The following ZFHX3 variants were observed in gnomAD, a reference collection of about 807,000 sequenced individuals.
ZFHX3 encodes zinc finger homeobox protein 3.
A neutral mutation model predicts 279.1 loss-of-function variants in ZFHX3; 42 were observed. The observed-to-expected ratio is 0.15, with a 90% CI of 0.12 to 0.19. The LOEUF (loss-of-function observed/expected upper bound fraction) is 0.19. Among genes scored for constraint, ZFHX3 ranks in the 10% least tolerant of loss-of-function variants. The probability of loss-of-function intolerance (pLI) is 1.00; values close to 1 mark genes in which losing one functional copy is unlikely to be tolerated. For missense variants in ZFHX3, 4,981 were observed against 4,754.0 expected (o/e 1.05, Z -1.40); for synonymous variants, 2,293 against 1,957.8 (o/e 1.17, Z -4.52).
At chr16:73,853,424 A>C (rs1044960266) in intron 1 of ZFHX3, among the ~76,000 whole-genome samples, 3 of 152,250 alleles carry the variant, frequency 2.0e-5, no homozygotes, top group African/African-American at 7.2e-5. Context: ...CGTGTTCATC[A>C]ACCTAAGTAT....
chr16:72,792,439 A>G (rs530073487), intron 9 of ZFHX3, among the ~76,000 whole-genome samples: 3 of 152,230 alleles, frequency 2.0e-5, no homozygotes, highest in Middle Eastern at 3.4e-3. Flanking sequence ...GATCTACCAC[A>G]TAAGACCTTC....
chr16:72,932,467 GA>G (rs77027785), intron 3 of ZFHX3, among the ~76,000 whole-genome samples: 5,666 of 144,804 alleles, frequency 0.039, 227 homozygotes, highest in African/African-American at 0.095. Context: ...ATCCCTTTGG[GA>G]AAAAAAAAAA....
chr16:73,575,331 T>C (rs2143813260), intron 2 of ZFHX3, among the ~76,000 whole-genome samples: 1 of 152,156 alleles, frequency 6.6e-6, no homozygotes, highest in South Asian at 2.1e-4. Flanking sequence ...GTGTAAGGAG[T>C]TGCTGGCTAG....
chr16:73,387,616 C>G (rs974408644), intron 3 of ZFHX3, among the ~76,000 whole-genome samples: 4 of 152,048 alleles, frequency 2.6e-5, no homozygotes, highest in Non-Finnish European at 5.9e-5. Flanking sequence ...TTCCCCCCAT[C>G]TTTTTCCCCA....
At chr16:73,705,096 G>C (rs1470243425) in intron 1 of ZFHX3, among the ~76,000 whole-genome samples, 1 of 152,116 alleles carries the variant, frequency 6.6e-6, no homozygotes, top group Admixed American at 6.5e-5. Context: ...GTAACCTCAA[G>C]ACAAGAGCAT....
intron 2 of ZFHX3, among the ~76,000 whole-genome samples, chr16:73,574,302 T>A (rs1361544433): frequency 6.6e-6 from 1 of 151,978 alleles, no homozygotes. Flanking sequence ...TGACTATGCC[T>A]CCATTGTAAC....
intron 3 of ZFHX3, among the ~76,000 whole-genome samples, chr16:73,336,894 C>T (rs906363080): frequency 2.0e-5 from 3 of 152,062 alleles, no homozygotes; most frequent in African/African-American, 7.2e-5. Flanking sequence ...CCGTCCCTCG[C>T]TTCCCCAAAC....
At chr16:73,243,661 T>C (rs2013191914) in intron 5 of ZFHX3, among the ~76,000 whole-genome samples, 1 of 152,188 alleles carries the variant, frequency 6.6e-6, no homozygotes, top group South Asian at 2.1e-4. Flanking sequence ...ATTGCTTTCA[T>C]CGGGGTTTTG....
At chr16:73,808,156 G>C (rs1960333916) in intron 1 of ZFHX3, among the ~76,000 whole-genome samples, 1 of 152,132 alleles carries the variant, frequency 6.6e-6, no homozygotes, top group Admixed American at 6.5e-5. Context: ...AACACTCCAT[G>C]ATGAAGACTT....
rs548831962 is a variant in ZFHX3 at position 72,845,940 on chromosome 16, T to G, written c.3449-16081A>C. Reference sequence around the variant, plus strand: ...CAGCTGATGCCAAGGACCATATGCTTAATGGCTACCTCTAGAGGCACCAAC... The same window carrying G: ...CAGCTGATGCCAAGGACCATATGCTGAATGGCTACCTCTAGAGGCACCAAC... On this transcript the variant is annotated intron_variant, in intron 4 of 9. Coordinates refer to ENST00000268489, the MANE Select transcript of ZFHX3 (RefSeq NM_006885.4). Among the ~76,000 whole-genome samples, 3 of 152,246 alleles carry G rather than the reference T, an allele frequency of 2.0e-5. No individual in the cohort carries two copies. The South Asian group carries it at 6.2e-4, about 32-fold the overall frequency.
At chr16:73,124,556 C>G (rs772934503) in intron 7 of ZFHX3, among the ~76,000 whole-genome samples, 1 of 152,172 alleles carries the variant, frequency 6.6e-6, no homozygotes, top group Non-Finnish European at 1.5e-5. Context: ...AGATATAATC[C>G]TGGACACGTT....
In ZFHX3 at chr16:72,788,253, C is replaced by T. The variant is rs775046728; in HGVS notation, c.10023G>A (p.Leu3341=). 2 of 1,614,060 alleles carry T rather than the reference C, an allele frequency of 1.2e-6. No individual in the cohort carries two copies. The highest frequency in any genetic ancestry group is 1.7e-6 in the Non-Finnish European group (2 of 1,180,040). Residue 3341 remains leucine, a synonymous_variant, in exon 10 of 10, where the codon CTG becomes CTA. Transcript: ENST00000268489. ...GCGACAGTGCAGGGCTGTAGGGGAA[C>T]AGGCCTTCCATGCCATACATAGGCT... ...YLQPMYGMEG[L]FPYSPALSQA...
At chr16:73,107,023 C>T (rs1389709979) in intron 7 of ZFHX3, among the ~76,000 whole-genome samples, 1 of 152,174 alleles carries the variant, frequency 6.6e-6, no homozygotes. Context: ...TTTTAAAAAT[C>T]ATTCCTCTCT....
In ZFHX3 at chr16:72,959,789, C is replaced by T. The variant is rs1961474988; in HGVS notation, c.357G>A (p.Glu119=). The change falls in exon 2 of 10, where the codon GAG becomes GAA. Residue 119 remains glutamate, a synonymous_variant. Coordinates refer to ENST00000268489, the MANE Select transcript of ZFHX3 (RefSeq NM_006885.4). ...TCTCCACGTCACTCTCCTCGTCCCC[C>T]TCCTCACCGGTGTCGCTGGCGCTCT... ...REESASDTGE[E]GDEESDVENL... 6.2e-7 allele frequency: 1 copy of T among 1,601,114 alleles called. No individual in the cohort carries two copies. Among genetic ancestry groups the T allele is most frequent in the African/African-American group, 1.3e-5 (1 of 74,768 alleles).
chr16:73,328,109 C>T (rs1218723171), intron 3 of ZFHX3, among the ~76,000 whole-genome samples: 1 of 152,022 alleles, frequency 6.6e-6, no homozygotes, highest in Non-Finnish European at 1.5e-5. Flanking sequence ...CAGAGCAACT[C>T]AGGGTCTTTT....
Position 73,148,816 on chromosome 16 carries a change from A to G in ZFHX3, c.-1103-4985T>C, listed in dbSNP as rs985375395. Among the ~76,000 whole-genome samples, 29 of 151,504 alleles carry G rather than the reference A, an allele frequency of 1.9e-4. 1 individual carries two copies. The highest frequency in any genetic ancestry group is 1.3e-3 in the Admixed American group (20 of 15,202). On this transcript the variant is annotated intron_variant, in intron 5 of 17. Coordinates refer to the ZFHX3 transcript ENST00000641206. ...ACAAAAATTAGTCAGGTGTGGTGCC[A>G]TGAGCCTGTAGTCCCAGCTACTCAG...
chr16:73,097,261 A>G (rs77084426), intron 7 of ZFHX3, among the ~76,000 whole-genome samples: 1,498 of 134,002 alleles, frequency 0.011, 34 homozygotes, highest in African/African-American at 0.042. Flanking sequence ...TAGAGACAGG[A>G]CTTGCTCTGT....
intron 4 of ZFHX3, among the ~76,000 whole-genome samples, chr16:73,308,505 G>T (rs1036813450): frequency 2.0e-4 from 31 of 151,844 alleles, no homozygotes; most frequent in Non-Finnish European, 3.7e-4. Context: ...TTTCCAGGGT[G>T]GTCTCGAACT....
At chr16:73,487,557 T>C (rs894994968) in intron 2 of ZFHX3, 4 of 320,922 alleles carry the variant, frequency 1.2e-5, no homozygotes, top group South Asian at 2.5e-5. Flanking sequence ...CATGCCACCA[T>C]GCCCAGCTAA....
Sources: gnomAD v4.1 joint callset for allele counts (sites outside exome capture counted in the v4.1 genomes callset) on GRCh38, gnomAD v4.1.1 for gene constraint, MANE v1.5 for transcripts, NCBI Gene and HGNC (gene_info 2026-07-23, HGNC 2026-07-21) for gene names.